Variants in PDSS1 observed in about 807,000 individuals in gnomAD.
PDSS1 encodes the protein decaprenyl diphosphate synthase subunit 1.
A neutral mutation model predicts 57.5 loss-of-function variants in PDSS1; 43 were observed. The ratio of observed to expected loss-of-function variants is 0.75; its 90% CI spans 0.59 to 0.96. The LOEUF is 0.96. Ranked by LOEUF, PDSS1 falls within the 50% of genes least tolerant of loss-of-function variation. The pLI is 0.00. For missense variants in PDSS1, 438 were observed against 527.8 expected, an observed-to-expected ratio of 0.83 and a Z score of 1.67; for synonymous variants, 175 against 191.3, an observed-to-expected ratio of 0.91 and a Z score of 0.70.
At chr10:26,715,027 A>G (rs1835518803) in intron 5 of PDSS1, 1 of 152,208 alleles carries the variant, frequency 6.6e-6, no homozygotes, top group African/African-American at 2.4e-5. Flanking sequence ...GCCACTAACA[A>G]CTGTAGAGCC....
chr10:26,716,849 C>T (rs1295490559), intron 5 of PDSS1, among the ~76,000 whole-genome samples: 2 of 152,166 alleles, frequency 1.3e-5, no homozygotes, highest in Non-Finnish European at 2.9e-5. Context: ...TTGCCTGTCA[C>T]CTCTCCCAGA....
At chr10:26,708,098 G>A (rs1415816153) in intron 4 of PDSS1, among the ~76,000 whole-genome samples, 2 of 152,180 alleles carry the variant, frequency 1.3e-5, no homozygotes, top group South Asian at 2.1e-4. Context: ...GGCAGTGATC[G>A]TTTTACTTCT....
chr10:26,742,390 TTTG>T (rs1253698402), intron 10 of PDSS1, 104 bp from the exon 11 acceptor site: 4 of 831,456 alleles, frequency 4.8e-6, no homozygotes, highest in Non-Finnish European at 8.0e-6. Context: ...TAGTTTCATT[TTTG>T]TTGTTTCTTG....
Position 26,711,845 on chromosome 10 carries a change from G to A in PDSS1, c.467+2077G>A, listed in dbSNP as rs1835415392. 2.1e-5 allele frequency among the ~76,000 whole-genome samples: 2 copies of A among 95,202 alleles called. 1 individual carries two copies. Among genetic ancestry groups the A allele is most frequent in the South Asian group, 5.6e-4 (2 of 3,560 alleles). The allele number at this position is 95,202 out of a possible 152,430, so 62.5% of individuals were successfully genotyped here. On this transcript the variant is annotated intron_variant, in intron 5 of 11. Coordinates refer to ENST00000376215, the MANE Select transcript of PDSS1 (RefSeq NM_014317.5). ...GATTCGCCCCTGGTTGAGAATCACT[G>A]GTCTAGAGAATGTGTTTATATTTTT...
intron 10 of PDSS1, among the ~76,000 whole-genome samples, chr10:26,739,029 T>TA (rs1836496070): frequency 6.6e-6 from 1 of 152,196 alleles, no homozygotes; most frequent in African/African-American, 2.4e-5. Flanking sequence ...ATATCTTTTT[T>TA]AAAAAAACCA....
At position 26,735,260 on chromosome 10, in the gene PDSS1, C is replaced by A; in HGVS notation, c.852C>A (p.Pro284=). The A allele has an allele frequency of 6.2e-7, 1 of 1,613,206 alleles. No individual in the cohort carries two copies. The highest frequency in any genetic ancestry group is 8.5e-7 in the Non-Finnish European group (1 of 1,179,210). ...TTCAGGTCTCTGTTCTAGGATGTCC[C>A]GACCCAGTGGTGCATGAGATCGCCT... ...SCKAVSVLGC[P]DPVVHEIAYQ... The change falls in exon 9 of 12, where the codon CCC becomes CCA. Residue 284 remains proline, a synonymous_variant. Coordinates refer to ENST00000376215, the MANE Select transcript of PDSS1 (RefSeq NM_014317.5).
chr10:26,706,799 G>A (rs571009200), intron 4 of PDSS1, among the ~76,000 whole-genome samples: 125 of 152,238 alleles, frequency 8.2e-4, no homozygotes, highest in Non-Finnish European at 1.6e-3. Flanking sequence ...AAATCCAATG[G>A]ATGTGTTACC....
At chr10:26,702,433 G>T (rs1248858012) in intron 2 of PDSS1, among the ~76,000 whole-genome samples, 5 of 152,162 alleles carry the variant, frequency 3.3e-5, no homozygotes, top group Admixed American at 3.3e-4. Flanking sequence ...ATTCCCCCAT[G>T]CTGTTCTTGT....
At chr10:26,718,761 C>CAAAAAAAA (rs71930768) in intron 5 of PDSS1, 1 of 99,632 alleles carries the variant, frequency 1.0e-5, no homozygotes. Flanking sequence ...AATTCCATCT[C>CAAAAAAAA]AAAAAAAAAA....
Position 26,710,766 on chromosome 10 carries a change from G to A in PDSS1, c.467+998G>A, listed in dbSNP as rs549330210. ...AGTTTAAAGGACAGGATGTTTATTC[G>A]GGATTATCCCCTGGGATTACTGACA... On this transcript the variant is annotated intron_variant, in intron 5 of 11. Coordinates refer to ENST00000376215, the MANE Select transcript of PDSS1 (RefSeq NM_014317.5). 5.0e-5 allele frequency among the ~76,000 whole-genome samples: 5 copies of A among 99,196 alleles called. 2 individuals carry two copies. Among genetic ancestry groups the A allele is most frequent in the Admixed American group, 2.4e-4 (2 of 8,408 alleles). The allele number at this position is 99,196 out of a possible 152,430, so 65.1% of individuals were successfully genotyped here. A position where few individuals can be genotyped will look rare whatever the true frequency, so the allele number is the denominator to read the frequency against.
At chr10:26,730,431 G>A (rs1303363128) in intron 8 of PDSS1, among the ~76,000 whole-genome samples, 4 of 151,628 alleles carry the variant, frequency 2.6e-5, no homozygotes, top group East Asian at 4.0e-4. Context: ...GCAACATGGC[G>A]AAACCTCTGT....
intron 8 of PDSS1, among the ~76,000 whole-genome samples, chr10:26,727,208 A>G (rs1173123597): frequency 6.6e-6 from 1 of 152,138 alleles, no homozygotes; most frequent in Non-Finnish European, 1.5e-5. Flanking sequence ...TTTCCCAGGA[A>G]ATCTGGTGGA....
At chr10:26,722,138 A>G (rs925837273) in intron 6 of PDSS1, among the ~76,000 whole-genome samples, 5 of 152,186 alleles carry the variant, frequency 3.3e-5, no homozygotes, top group Admixed American at 2.6e-4. Flanking sequence ...ACTAAAGGCC[A>G]AAGGATCCCG....
chr10:26,730,676 C>A (rs1417501627), intron 8 of PDSS1, among the ~76,000 whole-genome samples: 2 of 152,182 alleles, frequency 1.3e-5, no homozygotes, highest in East Asian at 3.9e-4. Context: ...CTATACAATA[C>A]AGTAACTCTC....
chr10:26,701,657 G>A (rs751581503), intron 1 of PDSS1, among the ~76,000 whole-genome samples: 115 of 152,348 alleles, frequency 7.5e-4, no homozygotes, highest in Admixed American at 1.8e-3. Context: ...CAATGCCCAA[G>A]CAGAAGTCTG....
At chr10:26,722,427 G>T (rs747113397) in intron 6 of PDSS1, among the ~76,000 whole-genome samples, 1 of 152,100 alleles carries the variant, frequency 6.6e-6, no homozygotes, top group African/African-American at 2.4e-5. Context: ...ACTTACGGCT[G>T]GGTGTGGTGG....
chr10:26,699,835 A>C (rs1288801914), intron 1 of PDSS1, among the ~76,000 whole-genome samples: 1 of 152,100 alleles, frequency 6.6e-6, no homozygotes, highest in Non-Finnish European at 1.5e-5. Flanking sequence ...CATGATGCCA[A>C]GATCATGTAT....
chr10:26,717,471 A>G lies in PDSS1; in HGVS notation c.468-2747A>G, dbSNP rs147428553. Among the ~76,000 whole-genome samples the G allele has an allele frequency of 9.4e-3, 1,437 of 152,318 alleles. 86 individuals carry two copies. The South Asian group carries it at 0.16, about 17-fold the overall frequency. On this transcript the variant is annotated intron_variant, in intron 5 of 11. Transcript: ENST00000376215. Reference sequence around the variant, plus strand: ...GGTCTCGAACTCCTGACCTCAGGTGATCCTCCCGCCTCGGCGTCCCAAAGC... The same window carrying G: ...GGTCTCGAACTCCTGACCTCAGGTGGTCCTCCCGCCTCGGCGTCCCAAAGC...
At chr10:26,723,312 C>T (rs1194521987) in intron 6 of PDSS1, among the ~76,000 whole-genome samples, 2 of 152,108 alleles carry the variant, frequency 1.3e-5, no homozygotes, top group East Asian at 1.9e-4. Flanking sequence ...TGGAAAGGCA[C>T]AAAGGAAGAA....
Sources: gnomAD v4.1 joint callset for allele counts (sites outside exome capture counted in the v4.1 genomes callset) on GRCh38, gnomAD v4.1.1 for gene constraint, MANE v1.5 for transcripts, NCBI Gene and HGNC (gene_info 2026-07-23, HGNC 2026-07-21) for gene names.